Variants in HS6ST3 observed in about 807,000 individuals in gnomAD.
HS6ST3 encodes heparan sulfate 6-O-sulfotransferase 3.
Under a neutral mutation model 36.7 loss-of-function variants are expected in HS6ST3, and 12 were observed. The ratio of observed to expected loss-of-function variants is 0.33; its 90% CI spans 0.21 to 0.53. HS6ST3 has a LOEUF of 0.53. HS6ST3 is among the 20% of genes least tolerant of loss of function. The pLI is 0.95. For missense variants in HS6ST3, 584 were observed against 640.9 expected, an observed-to-expected ratio of 0.91 and a Z score of 0.96; for synonymous variants, 240 against 257.5, an observed-to-expected ratio of 0.93 and a Z score of 0.65.
At chr13:96,765,308 C>A (rs112941066) in intron 1 of HS6ST3, among the ~76,000 whole-genome samples, 20,242 of 151,552 alleles carry the variant, frequency 0.13, 1,755 homozygotes, top group Non-Finnish European at 0.19. Context: ...TCCTGACCTC[C>A]TGATCTGCCC....
intron 1 of HS6ST3, among the ~76,000 whole-genome samples, chr13:96,533,585 G>A (rs188171827): frequency 2.0e-5 from 3 of 152,266 alleles, no homozygotes; most frequent in Non-Finnish European, 2.9e-5. Context: ...AGACATCAAC[G>A]GGGGCAGATC....
At chr13:96,566,182 A>C (rs1396937261) in intron 1 of HS6ST3, among the ~76,000 whole-genome samples, 1 of 152,118 alleles carries the variant, frequency 6.6e-6, no homozygotes. Flanking sequence ...AAAGGATAAT[A>C]GGAGGACAAA....
intron 1 of HS6ST3, among the ~76,000 whole-genome samples, chr13:96,700,647 C>T (rs1442394625): frequency 6.6e-6 from 1 of 152,106 alleles, no homozygotes; most frequent in African/African-American, 2.4e-5. Flanking sequence ...AGTCTTCATG[C>T]TAAAATAAGT....
intron 1 of HS6ST3, among the ~76,000 whole-genome samples, chr13:96,582,983 A>G (rs140770378): frequency 6.6e-5 from 10 of 152,172 alleles, no homozygotes; most frequent in African/African-American, 1.9e-4. Flanking sequence ...AAATTTAACT[A>G]GGATTCTATG....
intron 1 of HS6ST3, among the ~76,000 whole-genome samples, chr13:96,671,246 C>A (rs2056681693): frequency 6.6e-6 from 1 of 152,076 alleles, no homozygotes; most frequent in Non-Finnish European, 1.5e-5. Flanking sequence ...GCCTTTACCC[C>A]ACCCTCCCAA....
At chr13:96,775,829 C>T (rs1172320851) in intron 1 of HS6ST3, among the ~76,000 whole-genome samples, 1 of 152,074 alleles carries the variant, frequency 6.6e-6, no homozygotes, top group Non-Finnish European at 1.5e-5. Context: ...CAGCTCTGGA[C>T]CAAGTGGACC....
chr13:96,517,270 C>T (rs2138924383), intron 1 of HS6ST3, among the ~76,000 whole-genome samples: 1 of 151,352 alleles, frequency 6.6e-6, no homozygotes, highest in South Asian at 2.1e-4. Context: ...CCAGCTACTA[C>T]TCAGGAGGCT....
At chr13:96,350,871 T>C (rs1363124966) in intron 1 of HS6ST3, among the ~76,000 whole-genome samples, 2 of 152,204 alleles carry the variant, frequency 1.3e-5, no homozygotes, top group Non-Finnish European at 2.9e-5. Context: ...GTCTCAAAAA[T>C]GCTCCCCATT....
At chr13:96,642,280 C>T (rs2056572926) in intron 1 of HS6ST3, among the ~76,000 whole-genome samples, 1 of 151,660 alleles carries the variant, frequency 6.6e-6, no homozygotes, top group Non-Finnish European at 1.5e-5. Context: ...TATAATGAAT[C>T]ACTTCTTTCT....
chr13:96,769,220 A>G (rs1469463993), intron 1 of HS6ST3, among the ~76,000 whole-genome samples: 2 of 152,144 alleles, frequency 1.3e-5, no homozygotes, highest in African/African-American at 4.8e-5. Flanking sequence ...AAGACATCTC[A>G]GCTGCCTTTA....
chr13:96,638,693 T>A (rs922032338), intron 1 of HS6ST3, among the ~76,000 whole-genome samples: 3 of 151,936 alleles, frequency 2.0e-5, no homozygotes, highest in Non-Finnish European at 4.4e-5. Context: ...CCACCATGAT[T>A]GTTAAGTTTC....
intron 1 of HS6ST3, among the ~76,000 whole-genome samples, chr13:96,514,135 C>T (rs1012346553): frequency 4.0e-5 from 6 of 151,874 alleles, no homozygotes; most frequent in African/African-American, 1.2e-4. Context: ...GATGTGGTAT[C>T]GAGAGTAGAG....
At chr13:96,813,376 A>T (rs989864673) in intron 1 of HS6ST3, among the ~76,000 whole-genome samples, 1 of 152,194 alleles carries the variant, frequency 6.6e-6, no homozygotes, top group African/African-American at 2.4e-5. Context: ...GATAAACGCC[A>T]TCTGCGTACC....
intron 1 of HS6ST3, among the ~76,000 whole-genome samples, chr13:96,481,599 G>T (rs988968618): frequency 6.6e-6 from 1 of 152,124 alleles, no homozygotes; most frequent in African/African-American, 2.4e-5. Flanking sequence ...AAAACTTGGC[G>T]TTTCTCTGTT....
intron 1 of HS6ST3, among the ~76,000 whole-genome samples, chr13:96,245,150 A>T (rs923153448): frequency 6.6e-6 from 1 of 152,232 alleles, no homozygotes; most frequent in South Asian, 2.1e-4. Flanking sequence ...TGCAACCAAC[A>T]TATGACACTT....
chr13:96,806,021 C>G (rs918134616), intron 1 of HS6ST3, among the ~76,000 whole-genome samples: 3 of 152,168 alleles, frequency 2.0e-5, no homozygotes, highest in Non-Finnish European at 1.5e-5. Flanking sequence ...GAATCTTCCT[C>G]AAATTCTATT....
chr13:96,712,267 A>C (rs1162678547), intron 1 of HS6ST3, among the ~76,000 whole-genome samples: 1 of 152,210 alleles, frequency 6.6e-6, no homozygotes, highest in African/African-American at 2.4e-5. Flanking sequence ...TAATTAGGAC[A>C]TGAACAGCAA....
chr13:96,211,391 G>C lies in HS6ST3; in HGVS notation c.707+119822G>C, dbSNP rs568773605. ...CATGGCCCACGGCACCTCTGGAGTT[G>C]CCTCACTGGTGTGCACCCCAGTGAT... On this transcript the variant is annotated intron_variant, in intron 1 of 1. Coordinates refer to ENST00000376705, the MANE Select transcript of HS6ST3 (RefSeq NM_153456.4). 6.6e-5 allele frequency among the ~76,000 whole-genome samples: 10 copies of C among 152,202 alleles called. No individual in the cohort carries two copies. The South Asian group carries it at 2.1e-3, about 32-fold the overall frequency.
At chr13:96,227,782 G>A (rs1309877572) in intron 1 of HS6ST3, among the ~76,000 whole-genome samples, 1 of 152,158 alleles carries the variant, frequency 6.6e-6, no homozygotes, top group African/African-American at 2.4e-5. Context: ...AGAATGTGCA[G>A]AAGGCCTTCA....
Sources: gnomAD v4.1 joint callset for allele counts (sites outside exome capture counted in the v4.1 genomes callset) on GRCh38, gnomAD v4.1.1 for gene constraint, MANE v1.5 for transcripts, NCBI Gene and HGNC (gene_info 2026-07-23, HGNC 2026-07-21) for gene names.